Variants in GART observed in about 807,000 individuals in gnomAD.
GART encodes trifunctional purine biosynthetic protein adenosine-3.
In GART, 43 loss-of-function variants were observed where a neutral mutation model predicts 107.2. The ratio of observed to expected loss-of-function variants is 0.40; its 90% confidence interval spans 0.31 to 0.52. The LOEUF (loss-of-function observed/expected upper bound fraction) is 0.52. GART is among the 20% of genes least tolerant of loss of function. GART has a pLI of 0.52. For missense variants in GART, 1,107 were observed against 1,206.5 expected (o/e 0.92, Z 1.22); for synonymous variants, 434 against 427.0 (o/e 1.02, Z -0.20).
intron 2 of GART, 128 bp from the exon 3 acceptor site, chr21:33,535,448 A>C: frequency 1.8e-6 from 1 of 541,408 alleles, no homozygotes; most frequent in Admixed American, 3.7e-5. Context: ...TGGTTTTCTT[A>C]TATTGGCAGA....
chr21:33,524,891 G>A lies in GART; in HGVS notation c.1176C>T (p.Ile392=). Residue 392 remains isoleucine (I), a synonymous_variant, in exon 11 of 22, where the codon ATC becomes ATT. Coordinates refer to ENST00000381815, the MANE Select transcript of GART (RefSeq NM_000819.5). ...HGGRVLAVTA[I]RENLISALEE... is the part of the protein sequence containing the mutation. ...CAAGGGCTGATATGAGATTTTCCCG[G>A]ATGGCTGTGACTGCAAGAACTCTAC... 5 of 1,614,144 alleles carry A rather than the reference G, an allele frequency of 3.1e-6. No individual in the cohort carries two copies. In the South Asian group the frequency reaches 5.5e-5, roughly 18 times the overall value.
intron 16 of GART, among the ~76,000 whole-genome samples, chr21:33,516,694 T>C (rs2084885533): frequency 6.6e-6 from 1 of 152,178 alleles, no homozygotes; most frequent in Non-Finnish European, 1.5e-5. Context: ...CCTTTCCTGG[T>C]GTGTAGGGCT....
intron 12 of GART, 105 bp downstream of exon 12, chr21:33,522,083 G>T: frequency 1.2e-6 from 1 of 816,842 alleles, no homozygotes; most frequent in Non-Finnish European, 2.0e-6. Flanking sequence ...AAAACTTACA[G>T]TAACCAAGCA....
intron 14 of GART, among the ~76,000 whole-genome samples, chr21:33,519,837 TA>T (rs11308370): frequency 0.8 from 117,006 of 146,456 alleles, 46,958 homozygotes; most frequent in African/African-American, 0.92. Flanking sequence ...TTTTTTTTTT[TA>T]AATTAAAAAA....
rs769379437 is a variant in GART at position 33,539,239 on chromosome 21, T to C, written c.77A>G (p.His26Arg). 4 of 1,614,206 alleles carry C rather than the reference T, an allele frequency of 2.5e-6. No homozygotes were observed. Among genetic ancestry groups the C allele is most frequent in the African/African-American group, 1.3e-5 (1 of 75,062 alleles). Residue 26 changes from histidine to arginine, a missense_variant, in exon 2 of 22, where the codon CAT (histidine) becomes CGT (arginine). Coordinates refer to ENST00000381815, the MANE Select transcript of GART (RefSeq NM_000819.5). ...TLAWKLAQSH[H>R]VKQVLVAPGN... ...TGGGGCAACCAACACTTGTTTGACATGATGAGACTGTGCAAGTTTCCAGGC... is the reference window on the plus strand; with the variant it reads ...TGGGGCAACCAACACTTGTTTGACACGATGAGACTGTGCAAGTTTCCAGGC...
intron 18 of GART, among the ~76,000 whole-genome samples, chr21:33,506,917 G>A (rs1249247042): frequency 6.6e-6 from 1 of 152,090 alleles, no homozygotes; most frequent in African/African-American, 2.4e-5. Flanking sequence ...GCAATAACAC[G>A]CTGGCGAAGA....
intron 7 of GART, chr21:33,529,686 C>G (rs922052463): frequency 1.3e-5 from 2 of 152,846 alleles, no homozygotes; most frequent in Non-Finnish European, 2.9e-5. Flanking sequence ...CTCAAACTCC[C>G]GACCTCAGGT....
chr21:33,513,425 C>T (rs1259184793), intron 16 of GART, among the ~76,000 whole-genome samples: 1 of 152,038 alleles, frequency 6.6e-6, no homozygotes, highest in Non-Finnish European at 1.5e-5. Context: ...CAAAAATTAG[C>T]TGGGCGTGGA....
intron 10 of GART, among the ~76,000 whole-genome samples, chr21:33,527,073 A>G (rs1404566896): frequency 2.6e-5 from 4 of 152,216 alleles, no homozygotes; most frequent in African/African-American, 7.2e-5. Context: ...AATTTTACCA[A>G]TGCAAGGGAT....
intron 16 of GART, among the ~76,000 whole-genome samples, chr21:33,513,495 G>A (rs1380164123): frequency 1.3e-5 from 2 of 151,982 alleles, no homozygotes; most frequent in East Asian, 1.9e-4. Context: ...ACTTGAACCC[G>A]GGAGGTGGAG....
chr21:33,528,965 G>T lies in GART; in HGVS notation c.724-28C>A, dbSNP rs2085129850. The T allele has an allele frequency of 2.8e-6, 4 of 1,447,362 alleles. 1 individual carries two copies. The South Asian group carries it at 3.4e-5, about 12-fold the overall frequency. 89.7% of individuals were successfully genotyped at this position (1,447,362 alleles called of 1,614,324 possible). ...GGAGAACGTGCAGAAACAGTTAAAT[G>T]TAACAGGTAACTTAAAAAGTCTAAG... On this transcript the variant is annotated intron_variant, in intron 7 of 21. Coordinates refer to ENST00000381815, the MANE Select transcript of GART (RefSeq NM_000819.5).
intron 4 of GART, among the ~76,000 whole-genome samples, chr21:33,532,883 A>G (rs542611662): frequency 6.6e-6 from 1 of 152,318 alleles, no homozygotes; most frequent in East Asian, 1.9e-4. Context: ...GGGGTCTGGA[A>G]GGAGACTTAC....
At chr21:33,542,530 G>A (rs1394165920), upstream of GART, 1 of 153,564 alleles carries the variant, frequency 6.5e-6, no homozygotes, top group Non-Finnish European at 1.5e-5. Context: ...AAAAAATGAG[G>A]CTGGTTATAG....
chr21:33,541,489 T>C (rs1050464728), intron 1 of GART, among the ~76,000 whole-genome samples: 1 of 152,234 alleles, frequency 6.6e-6, no homozygotes, highest in Non-Finnish European at 1.5e-5. Context: ...AGTTTGAATA[T>C]AGCAGTAGTG....
At chr21:33,535,118 C>G (rs1440852568) in intron 3 of GART, 107 bp downstream of exon 3, 1 of 748,008 alleles carries the variant, frequency 1.3e-6, no homozygotes, top group African/African-American at 1.8e-5. Context: ...GCTCTTTTTC[C>G]AAGATAATAT....
intron 14 of GART, among the ~76,000 whole-genome samples, chr21:33,518,211 C>T (rs796564067): frequency 1.7e-4 from 26 of 152,274 alleles, no homozygotes; most frequent in African/African-American, 6.0e-4. Context: ...GGCTGGGCAT[C>T]GTGGCTCACG....
intron 18 of GART, 66 bp downstream of exon 18, chr21:33,509,717 C>T: frequency 6.5e-7 from 1 of 1,535,430 alleles, no homozygotes. Flanking sequence ...TACAATCTCA[C>T]AAGAGTGCGG....
chr21:33,513,439 G>A (rs1319891848), intron 16 of GART, among the ~76,000 whole-genome samples: 1 of 152,006 alleles, frequency 6.6e-6, no homozygotes, highest in Admixed American at 6.6e-5. Context: ...GCGTGGAGAC[G>A]CACATCTGTA....
chr21:33,540,092 C>T (rs2085382782), intron 1 of GART, among the ~76,000 whole-genome samples: 1 of 152,096 alleles, frequency 6.6e-6, no homozygotes, highest in Non-Finnish European at 1.5e-5. Context: ...CTGGGGTAAG[C>T]AAACTTTACA....
Sources: gnomAD v4.1 joint callset for allele counts (sites outside exome capture counted in the v4.1 genomes callset) on GRCh38, gnomAD v4.1.1 for gene constraint, MANE v1.5 for transcripts, NCBI Gene and HGNC (gene_info 2026-07-23, HGNC 2026-07-21) for gene names.